Variants in GPHN observed in about 807,000 individuals in gnomAD.
GPHN encodes gephyrin.
A neutral mutation model predicts 95.5 loss-of-function variants in GPHN; 17 were observed. The observed-to-expected ratio is 0.18, with a 90% CI of 0.12 to 0.27. The LOEUF (loss-of-function observed/expected upper bound fraction) is 0.27, where lower values mean the gene tolerates loss of function less well. GPHN is among the 10% of genes least tolerant of loss of function. The pLI is 1.00. For synonymous variants in GPHN, 320 were observed against 322.5 expected, an observed-to-expected ratio of 0.99 and a Z score of 0.08; for missense variants, 660 against 978.1, an observed-to-expected ratio of 0.67 and a Z score of 4.34.
the GPHN span, among the ~76,000 whole-genome samples, chr14:67,322,108 C>A: frequency 6.6e-6 from 1 of 152,014 alleles, no homozygotes; most frequent in Non-Finnish European, 1.5e-5. Flanking sequence ...AATTTTAGGA[C>A]GCCAATGTGG....
the GPHN span, among the ~76,000 whole-genome samples, chr14:67,391,013 G>A: frequency 1.3e-5 from 2 of 152,222 alleles, no homozygotes; most frequent in South Asian, 2.1e-4. Flanking sequence ...AAGGAAAGGG[G>A]ACACACAATA....
At chr14:67,205,125 C>A in the GPHN span, 1 of 1,514,120 alleles carries the variant, frequency 6.6e-7, no homozygotes, top group Non-Finnish European at 8.9e-7. Flanking sequence ...CTTTAATAAT[C>A]GAGAACTAGA....
the GPHN span, among the ~76,000 whole-genome samples, chr14:67,525,351 A>T: frequency 6.6e-6 from 1 of 152,208 alleles, no homozygotes; most frequent in Non-Finnish European, 1.5e-5. Context: ...AATAAATATA[A>T]TTCTTCATCA....
the GPHN span, among the ~76,000 whole-genome samples, chr14:67,583,549 C>T: frequency 6.6e-6 from 1 of 152,192 alleles, no homozygotes; most frequent in Non-Finnish European, 1.5e-5. Context: ...CTCTAATATT[C>T]GAGGGCCCTA....
rs111804599 is a variant in GPHN at position 67,153,474 on chromosome 14, T to C, written c.1837-5941T>C. On this transcript the variant is annotated intron_variant, in intron 18 of 22. Transcript: ENST00000478722. ...TAGCTAACTCTCTGGCCTCTTCTTA[T>C]AATGGCACTAATTCTACTCATGAGA... is the stretch of plus-strand genomic sequence containing the variant. 3.1e-3 allele frequency among the ~76,000 whole-genome samples: 468 copies of C among 152,322 alleles called. 5 individuals are homozygous for C. The highest frequency in any genetic ancestry group is 0.011 in the African/African-American group (447 of 41,582).
the GPHN span, among the ~76,000 whole-genome samples, chr14:67,638,043 T>C: frequency 6.6e-6 from 1 of 152,188 alleles, no homozygotes; most frequent in East Asian, 1.9e-4. Context: ...GTCCTAGGCA[T>C]GAGAGCCACA....
At chr14:67,186,453 A>C (rs370438053), downstream of GPHN, among the ~76,000 whole-genome samples, 2 of 152,208 alleles carry the variant, frequency 1.3e-5, no homozygotes, top group African/African-American at 4.8e-5. Flanking sequence ...CTAGAAAAAA[A>C]GCACAGAGGA....
chr14:67,073,659 T>G (rs2076391961), intron 11 of GPHN, among the ~76,000 whole-genome samples: 1 of 152,188 alleles, frequency 6.6e-6, no homozygotes, highest in Admixed American at 6.5e-5. Flanking sequence ...TTGCATCTTT[T>G]TGTACCACTA....
At chr14:67,652,266 T>A in the GPHN span, 1 of 152,384 alleles carries the variant, frequency 6.6e-6, no homozygotes, top group African/African-American at 2.4e-5. Context: ...TTAGTACAAT[T>A]CAAATATTGT....
the GPHN span, among the ~76,000 whole-genome samples, chr14:67,516,290 G>C: frequency 6.6e-6 from 1 of 152,136 alleles, no homozygotes; most frequent in African/African-American, 2.4e-5. Flanking sequence ...GTGTCCTTTT[G>C]TCACTAACCC....
the GPHN span, among the ~76,000 whole-genome samples, chr14:67,696,466 G>C: frequency 3.9e-5 from 6 of 152,216 alleles, no homozygotes; most frequent in African/African-American, 1.4e-4. Flanking sequence ...AGTCCTTGAA[G>C]ACATTCTCAG....
At chr14:67,255,206 G>C in the GPHN span, among the ~76,000 whole-genome samples, 1 of 152,022 alleles carries the variant, frequency 6.6e-6, no homozygotes. Context: ...TGACACTTCA[G>C]ACACGTTTTT....
the GPHN span, chr14:67,733,958 A>C: frequency 1.3e-6 from 1 of 757,298 alleles, no homozygotes; most frequent in African/African-American, 1.7e-5. Flanking sequence ...GGTGCTGCGA[A>C]TCCTGCCTGC....
intron 3 of GPHN, among the ~76,000 whole-genome samples, chr14:66,799,750 T>C (rs2060278214): frequency 6.6e-6 from 1 of 152,036 alleles, no homozygotes; most frequent in Non-Finnish European, 1.5e-5. Flanking sequence ...AGGTCTTGTT[T>C]TTCCATCCAT....
intron 5 of GPHN, among the ~76,000 whole-genome samples, chr14:66,894,285 G>T (rs913823936): frequency 6.6e-6 from 1 of 152,154 alleles, no homozygotes; most frequent in Non-Finnish European, 1.5e-5. Context: ...TTAATAAATG[G>T]TGCTGGGAAA....
intron 17 of GPHN, among the ~76,000 whole-genome samples, chr14:67,134,950 C>CTTT (rs2079966122): frequency 1.4e-4 from 7 of 48,982 alleles, no homozygotes; most frequent in Non-Finnish European, 1.7e-4. Flanking sequence ...TTCTTTCTTT[C>CTTT]TTCTTTTTTT....
chr14:66,760,724 G>A, intron 2 of GPHN: 1 of 463,246 alleles, frequency 2.2e-6, no homozygotes, highest in Non-Finnish European at 4.1e-6. Context: ...AGCACTTATA[G>A]TGGATAATTC....
chr14:67,674,818 C>T, the GPHN span: 1 of 221,312 alleles, frequency 4.5e-6, no homozygotes. Context: ...TGGGGAAAGG[C>T]CGCAGCGAAA....
intron 4 of GPHN, among the ~76,000 whole-genome samples, chr14:66,877,156 T>C (rs2063705254): frequency 6.6e-6 from 1 of 152,166 alleles, no homozygotes; most frequent in Non-Finnish European, 1.5e-5. Flanking sequence ...TCTCAACAGA[T>C]ACAGAAAAGT....
Sources: gnomAD v4.1 joint callset for allele counts (sites outside exome capture counted in the v4.1 genomes callset) on GRCh38, gnomAD v4.1.1 for gene constraint, MANE v1.5 for transcripts, NCBI Gene and HGNC (gene_info 2026-07-23, HGNC 2026-07-21) for gene names.